RBFOX1: variants seen among roughly 807,000 people sequenced by gnomAD.
RBFOX1 encodes the protein RNA binding fox-1 homolog 1, also known as RNA binding protein fox-1 homolog 1.
Under a neutral mutation model 57.7 loss-of-function variants are expected in RBFOX1, and 8 were observed. The ratio of observed to expected loss-of-function variants is 0.14; its 90% CI spans 0.08 to 0.25. The LOEUF is 0.25. Ranked by LOEUF, RBFOX1 falls within the 10% of genes least tolerant of loss-of-function variation. The pLI, the probability that RBFOX1 is intolerant of heterozygous loss-of-function variation, is 1.00. For missense variants in RBFOX1, 611 were observed against 548.5 expected, an observed-to-expected ratio of 1.11 and a Z score of -1.14; for synonymous variants, 326 against 222.4, an observed-to-expected ratio of 1.47 and a Z score of -4.15.
intron 2 of RBFOX1, among the ~76,000 whole-genome samples, chr16:6,479,203 A>C (rs2095331009): frequency 6.6e-6 from 1 of 152,216 alleles, no homozygotes; most frequent in Non-Finnish European, 1.5e-5. Flanking sequence ...TTATAAAGAA[A>C]AGAAGTTTAA....
chr16:7,374,467 G>A (rs992387108), intron 4 of RBFOX1, among the ~76,000 whole-genome samples: 1 of 152,058 alleles, frequency 6.6e-6, no homozygotes, highest in Non-Finnish European at 1.5e-5. Context: ...CCAAGATATG[G>A]TGTAACTGTA....
chr16:6,272,555 G>C (rs1041283135), intron 1 of RBFOX1, among the ~76,000 whole-genome samples: 2 of 152,006 alleles, frequency 1.3e-5, no homozygotes, highest in Non-Finnish European at 2.9e-5. Flanking sequence ...TAAAAATCCC[G>C]GTAAGCTTTT....
At chr16:7,142,910 G>C in intron 4 of RBFOX1, among the ~76,000 whole-genome samples, 1 of 86,186 alleles carries the variant, frequency 1.2e-5, no homozygotes. Flanking sequence ...CATCTGCAGA[G>C]TATTTTTTTT....
At chr16:6,859,175 G>GAA (rs2058541485) in intron 3 of RBFOX1, among the ~76,000 whole-genome samples, 1 of 66,550 alleles carries the variant, frequency 1.5e-5, no homozygotes, top group Non-Finnish European at 2.8e-5. Flanking sequence ...GTATATATAT[G>GAA]TATATATATG....
At chr16:5,388,744 T>A (rs1453732716) in intron 1 of RBFOX1, among the ~76,000 whole-genome samples, 1 of 152,054 alleles carries the variant, frequency 6.6e-6, no homozygotes, top group Non-Finnish European at 1.5e-5. Context: ...CCAGCTAATT[T>A]TTTTGTAATT....
At chr16:5,918,884 A>T (rs554752782) in intron 4 of RBFOX1, among the ~76,000 whole-genome samples, 3 of 152,288 alleles carry the variant, frequency 2.0e-5, no homozygotes, top group South Asian at 4.1e-4. Flanking sequence ...GGCTTCTCAG[A>T]AAAGTCGTCT....
chr16:6,900,243 C>T (rs1053054377), intron 3 of RBFOX1, among the ~76,000 whole-genome samples: 37 of 152,156 alleles, frequency 2.4e-4, no homozygotes, highest in African/African-American at 8.9e-4. Flanking sequence ...CACGTTCAAA[C>T]ATCCCATCAT....
In RBFOX1 at chr16:7,156,789, ACTT is replaced by A. The variant is rs748808902; in HGVS notation, c.27+104694_27+104696del. Among the ~76,000 whole-genome samples, 13 of 152,280 alleles carry A rather than the reference ACTT, an allele frequency of 8.5e-5. No individual in the cohort carries two copies. The East Asian group carries it at 2.1e-3, about 25-fold the overall frequency. On this transcript the variant is annotated intron_variant, in intron 4 of 15. Transcript: ENST00000550418. ...TACTTCAAACACTGCATCTGTGTAT[ACTT>A]CTATCTCTCTGTACTTGTACATGCA...
intron 2 of RBFOX1, among the ~76,000 whole-genome samples, chr16:5,570,923 AG>A (rs1403765768): frequency 6.6e-6 from 1 of 152,060 alleles, no homozygotes; most frequent in African/African-American, 2.4e-5. Flanking sequence ...AGTGAGTAAA[AG>A]GTCCAGATGC....
At chr16:7,366,759 C>T (rs1303036099) in intron 4 of RBFOX1, among the ~76,000 whole-genome samples, 1 of 151,546 alleles carries the variant, frequency 6.6e-6, no homozygotes, top group Admixed American at 6.6e-5. Context: ...CAAGAGTAAG[C>T]AGAGAAAAAC....
intron 3 of RBFOX1, among the ~76,000 whole-genome samples, chr16:6,658,179 A>C (rs1027836301): frequency 6.6e-6 from 1 of 151,810 alleles, no homozygotes; most frequent in Non-Finnish European, 1.5e-5. Flanking sequence ...TTCCCACTGA[A>C]TCTTAGACCA....
At chr16:7,571,981 G>C (rs1002891745) in intron 5 of RBFOX1, among the ~76,000 whole-genome samples, 2 of 152,170 alleles carry the variant, frequency 1.3e-5, no homozygotes, top group African/African-American at 4.8e-5. Flanking sequence ...CTAAAAATTA[G>C]CTGGGCTTGG....
chr16:6,618,222 C>G (rs755528516), intron 2 of RBFOX1, among the ~76,000 whole-genome samples: 1 of 152,180 alleles, frequency 6.6e-6, no homozygotes, highest in Non-Finnish European at 1.5e-5. Context: ...CTACCCATCA[C>G]TGATACTTAA....
intron 3 of RBFOX1, among the ~76,000 whole-genome samples, chr16:6,952,279 C>T (rs190780905): frequency 2.6e-5 from 4 of 152,256 alleles, no homozygotes; most frequent in African/African-American, 9.6e-5. Flanking sequence ...AAAGAACAAA[C>T]TTAAAGGTAA....
intron 3 of RBFOX1, among the ~76,000 whole-genome samples, chr16:5,856,066 C>G (rs1271120483): frequency 3.1e-5 from 4 of 129,080 alleles, no homozygotes; most frequent in Non-Finnish European, 6.4e-5. Flanking sequence ...AGAAATGTAA[C>G]TGATTTTTGT....
chr16:5,783,539 C>G (rs2054396471), intron 3 of RBFOX1, among the ~76,000 whole-genome samples: 1 of 152,212 alleles, frequency 6.6e-6, no homozygotes, highest in African/African-American at 2.4e-5. Flanking sequence ...GACATCACGT[C>G]TGTTTTCATC....
intron 3 of RBFOX1, among the ~76,000 whole-genome samples, chr16:6,988,574 T>C (rs565500734): frequency 6.6e-6 from 1 of 151,704 alleles, no homozygotes; most frequent in East Asian, 1.9e-4. Context: ...TTTAATTTTA[T>C]TTTATTTTAT....
intron 4 of RBFOX1, among the ~76,000 whole-genome samples, chr16:7,217,059 C>CTCCCTCTCCTT (rs138138627): frequency 0.017 from 2,003 of 120,070 alleles, 220 homozygotes; most frequent in African/African-American, 0.071. Context: ...CTCCCTCTCT[C>CTCCCTCTCCTT]TCCCTCTCCT....
In RBFOX1 at chr16:7,573,118, G is replaced by C. The variant is rs371452485; in HGVS notation, c.271-6659G>C. 3.1e-3 allele frequency among the ~76,000 whole-genome samples: 465 copies of C among 152,270 alleles called. 5 individuals are homozygous for C. The highest frequency in any genetic ancestry group is 7.0e-3 in the South Asian group (34 of 4,826). ...TGCTGTAGATCATAGGGCCAGTGAA[G>C]GTTTCTCCAATGGGTGACACCTGGG... is the stretch of plus-strand genomic sequence containing the variant. On this transcript the variant is annotated intron_variant, in intron 5 of 15. Coordinates refer to ENST00000550418, the MANE Select transcript of RBFOX1 (RefSeq NM_018723.4).
Sources: allele counts gnomAD v4.1 joint callset (sites outside exome capture counted in the v4.1 genomes callset), GRCh38; gene constraint gnomAD v4.1.1; transcripts MANE v1.5; gene names NCBI Gene and HGNC (gene_info 2026-07-23, HGNC 2026-07-21).